Variants in ARL15 observed in about 807,000 individuals in gnomAD.
ARL15 encodes the protein ARF like GTPase 15, also known as ADP-ribosylation factor-like protein 15.
In ARL15, 19 loss-of-function variants were observed where a neutral mutation model predicts 25.2. The observed-to-expected ratio is 0.75, with a 90% confidence interval of 0.53 to 1.10. The LOEUF (loss-of-function observed/expected upper bound fraction) is 1.10, where lower values mean the gene tolerates loss of function less well. Ranked by LOEUF, ARL15 falls within the 50% of genes least tolerant of loss-of-function variation. The pLI is 0.00. For synonymous variants in ARL15, 94 were observed against 86.8 expected, an observed-to-expected ratio of 1.08 and a Z score of -0.46; for missense variants, 220 against 246.0, an observed-to-expected ratio of 0.89 and a Z score of 0.71.
At chr5:53,996,161 G>C (rs1580153012) in intron 4 of ARL15, among the ~76,000 whole-genome samples, 1 of 152,272 alleles carries the variant, frequency 6.6e-6, no homozygotes, top group East Asian at 1.9e-4. Context: ...TAAACTTTTA[G>C]TTAAACTCAG....
rs755385380 is a variant in ARL15, at chr5:54,290,548, C to A, written c.48+19884G>T. On this transcript the variant is annotated intron_variant, in intron 1 of 4. Coordinates refer to ENST00000504924, the MANE Select transcript of ARL15 (RefSeq NM_019087.3). Reference sequence around the variant, plus strand: ...GTCTCGATCTCCTGATCTCATGATCCGCCCTCCTTGGCCTCTCAAAGTGCT... The same window carrying A: ...GTCTCGATCTCCTGATCTCATGATCAGCCCTCCTTGGCCTCTCAAAGTGCT... Among the ~76,000 whole-genome samples, 3 of 151,980 alleles carry A rather than the reference C, an allele frequency of 2.0e-5. No individual in the cohort carries two copies. The East Asian group carries it at 5.8e-4, about 29-fold the overall frequency.
intron 4 of ARL15, among the ~76,000 whole-genome samples, chr5:53,946,455 GAAAAAAAAA>G (rs55727717): frequency 2.5e-4 from 11 of 43,940 alleles, no homozygotes; most frequent in African/African-American, 8.1e-4. Context: ...GTCTCAAGAG[GAAAAAAAAA>G]AAAAAAAAAA....
intron 4 of ARL15, among the ~76,000 whole-genome samples, chr5:53,970,106 A>G (rs906367343): frequency 3.3e-5 from 5 of 152,106 alleles, no homozygotes; most frequent in Non-Finnish European, 7.4e-5. Flanking sequence ...TTGAGAGGAA[A>G]CTCCCCCCAA....
intron 4 of ARL15, among the ~76,000 whole-genome samples, chr5:53,981,589 C>T (rs1224377174): frequency 6.6e-6 from 1 of 152,184 alleles, no homozygotes; most frequent in East Asian, 1.9e-4. Context: ...TTTGTGGTAT[C>T]TGCAAGAACT....
chr5:54,262,618 G>T (rs1757522397), intron 1 of ARL15, among the ~76,000 whole-genome samples: 1 of 151,830 alleles, frequency 6.6e-6, no homozygotes, highest in South Asian at 2.1e-4. Flanking sequence ...AATAATTATT[G>T]TCTCCTATCT....
intron 4 of ARL15, among the ~76,000 whole-genome samples, chr5:53,892,150 C>T (rs1337988250): frequency 6.6e-6 from 1 of 152,178 alleles, no homozygotes; most frequent in Non-Finnish European, 1.5e-5. Context: ...GATATGATTA[C>T]TTAGACTAGT....
At chr5:54,305,033 A>C (rs896798187) in intron 1 of ARL15, among the ~76,000 whole-genome samples, 1 of 152,164 alleles carries the variant, frequency 6.6e-6, no homozygotes, top group Admixed American at 6.5e-5. Flanking sequence ...TATCCTGCAA[A>C]TGGTGACAGA....
intron 4 of ARL15, among the ~76,000 whole-genome samples, chr5:54,031,949 T>A (rs554489209): frequency 6.6e-6 from 1 of 152,214 alleles, no homozygotes; most frequent in Non-Finnish European, 1.5e-5. Context: ...AACATTTGTA[T>A]CATCATCATT....
chr5:54,198,401 T>G (rs150679863), intron 1 of ARL15, among the ~76,000 whole-genome samples: 2 of 148,154 alleles, frequency 1.3e-5, no homozygotes, highest in Non-Finnish European at 3.0e-5. Context: ...AAAACCCCAT[T>G]GTCTCAGCCC....
rs775031344 is a variant in ARL15, at chr5:54,080,010, C to CACACACAT, written c.462+33191_462+33192insATGTGTGT. On this transcript the variant is annotated intron_variant, in intron 4 of 4. Transcript: ENST00000504924. ...ACACACACACACACACACACACACA[C>CACACACAT]ACACACAGACACAGATGTATATTAA... is the stretch of plus-strand genomic sequence containing the variant. Among the ~76,000 whole-genome samples, 119 of 144,778 alleles carry CACACACAT rather than the reference C, an allele frequency of 8.2e-4. 3 individuals are homozygous for CACACACAT. Among genetic ancestry groups the CACACACAT allele is most frequent in the Non-Finnish European group, 1.3e-3 (87 of 65,530 alleles). 95.0% of individuals were successfully genotyped at this position (144,778 alleles called of 152,430 possible). A position where few individuals can be genotyped will look rare whatever the true frequency, so the allele number is the denominator to read the frequency against.
At chr5:54,032,779 T>C (rs139455895) in intron 4 of ARL15, among the ~76,000 whole-genome samples, 1 of 152,296 alleles carries the variant, frequency 6.6e-6, no homozygotes, top group East Asian at 1.9e-4. Flanking sequence ...TCTTGACTCT[T>C]ATTGTAAATT....
chr5:53,923,867 A>AAAAAT lies in ARL15; in HGVS notation c.463-37159_463-37155dup, dbSNP rs142644539. ...GCAACAGAGCAAGACTCCGTCTCAAAAAAATAAAATAAAATAAAATAAAAA... is the reference window on the plus strand; with the variant it reads ...GCAACAGAGCAAGACTCCGTCTCAAAAAAATAAAATAAAATAAAATAAAATAAAAA... On this transcript the variant is annotated intron_variant, in intron 4 of 4. Transcript: ENST00000504924. Among the ~76,000 whole-genome samples the AAAAAT allele has an allele frequency of 3.9e-3, 590 of 151,992 alleles. 18 individuals are homozygous for AAAAAT. In the East Asian group the frequency reaches 0.088, roughly 23 times the overall value.
intron 2 of ARL15, among the ~76,000 whole-genome samples, chr5:54,164,248 A>C (rs1284138248): frequency 3.3e-5 from 5 of 152,022 alleles, no homozygotes; most frequent in Admixed American, 2.0e-4. Context: ...TATAACTTGA[A>C]GCCACTTAAA....
At chr5:54,111,713 T>A (rs1752748032) in intron 4 of ARL15, among the ~76,000 whole-genome samples, 1 of 152,172 alleles carries the variant, frequency 6.6e-6, no homozygotes, top group Admixed American at 6.5e-5. Context: ...ACACACATTA[T>A]ACTGTCTACA....
At chr5:53,924,964 A>G (rs1745970697) in intron 4 of ARL15, among the ~76,000 whole-genome samples, 1 of 152,054 alleles carries the variant, frequency 6.6e-6, no homozygotes, top group Admixed American at 6.5e-5. Flanking sequence ...AAAGAATTCA[A>G]CTCCTTCAAA....
At chr5:54,105,916 GTC>G (rs1752576560) in intron 4 of ARL15, among the ~76,000 whole-genome samples, 1 of 152,090 alleles carries the variant, frequency 6.6e-6, no homozygotes, top group African/African-American at 2.4e-5. Context: ...TTATGTACCA[GTC>G]TCTATGTGAT....
intron 4 of ARL15, among the ~76,000 whole-genome samples, chr5:54,105,110 T>G (rs1173193592): frequency 6.6e-6 from 1 of 151,730 alleles, no homozygotes; most frequent in Admixed American, 6.6e-5. Flanking sequence ...TCAAAGTACC[T>G]TACTGACATT....
chr5:54,218,547 T>C (rs1756280133), intron 1 of ARL15, among the ~76,000 whole-genome samples: 4 of 152,188 alleles, frequency 2.6e-5, no homozygotes, highest in Admixed American at 2.6e-4. Flanking sequence ...CACCCAGGAA[T>C]CACTTTATTT....
At chr5:54,132,018 A>C (rs959509144) in intron 3 of ARL15, among the ~76,000 whole-genome samples, 2 of 152,252 alleles carry the variant, frequency 1.3e-5, no homozygotes, top group Non-Finnish European at 1.5e-5. Flanking sequence ...ATAATTAATG[A>C]GAAAACTTAG....
Sources: allele counts gnomAD v4.1 joint callset (sites outside exome capture counted in the v4.1 genomes callset), GRCh38; gene constraint gnomAD v4.1.1; transcripts MANE v1.5; gene names NCBI Gene and HGNC (gene_info 2026-07-23, HGNC 2026-07-21).